DOCK4: variants seen among roughly 807,000 people sequenced by gnomAD.
The protein encoded by DOCK4 is dedicator of cytokinesis protein 4.
Under a neutral mutation model 268.1 loss-of-function variants are expected in DOCK4, and 97 were observed. The observed-to-expected ratio is 0.36, with a 90% confidence interval of 0.31 to 0.43. The LOEUF (loss-of-function observed/expected upper bound fraction) is 0.43. Among genes scored for constraint, DOCK4 ranks in the 20% least tolerant of loss-of-function variants. The probability of loss-of-function intolerance (pLI) is 1.00; values close to 1 mark genes in which losing one functional copy is unlikely to be tolerated. For synonymous variants in DOCK4, 954 were observed against 887.2 expected (o/e 1.08, Z -1.34); for missense variants, 2,145 against 2,455.7 (o/e 0.87, Z 2.67).
chr7:112,156,365 TA>T (rs1563139971), intron 1 of DOCK4, among the ~76,000 whole-genome samples: 1 of 152,206 alleles, frequency 6.6e-6, no homozygotes, highest in Non-Finnish European at 1.5e-5. Context: ...TTGCATTTCT[TA>T]GAAGTAATGA....
intron 2 of DOCK4, among the ~76,000 whole-genome samples, chr7:112,003,442 G>T (rs930273212): frequency 2.6e-5 from 4 of 152,120 alleles, no homozygotes; most frequent in Non-Finnish European, 5.9e-5. Flanking sequence ...TCTTTTTAAG[G>T]ACTAGCATTT....
chr7:111,911,160 G>A (rs1380868637), intron 13 of DOCK4, among the ~76,000 whole-genome samples: 1 of 152,068 alleles, frequency 6.6e-6, no homozygotes, highest in Non-Finnish European at 1.5e-5. Flanking sequence ...GAATGCTAAA[G>A]ATGCAAATTA....
intron 8 of DOCK4, among the ~76,000 whole-genome samples, chr7:111,953,091 G>A (rs1796182213): frequency 6.6e-6 from 1 of 151,978 alleles, no homozygotes; most frequent in Non-Finnish European, 1.5e-5. Flanking sequence ...GCCCGGTGGG[G>A]TGGTGCATGC....
chr7:111,738,244 G>C lies in DOCK4; in HGVS notation c.5232+890C>G, dbSNP rs544363617. ...CACTTCAAAACCAAGTTCAGGCAGGGGGTGAGGGCCAAGCTCCCTTACTCG... is the reference window on the plus strand; with the variant it reads ...CACTTCAAAACCAAGTTCAGGCAGGCGGTGAGGGCCAAGCTCCCTTACTCG... On this transcript the variant is annotated intron_variant, in intron 49 of 52. Coordinates refer to ENST00000428084, the MANE Select transcript of DOCK4 (RefSeq NM_001363540.2). Among the ~76,000 whole-genome samples, 12 of 152,284 alleles carry C rather than the reference G, an allele frequency of 7.9e-5. No individual in the cohort carries two copies. In the East Asian group the frequency reaches 2.3e-3, roughly 29 times the overall value.
At chr7:112,141,659 T>G (rs558137603) in intron 1 of DOCK4, among the ~76,000 whole-genome samples, 4 of 152,208 alleles carry the variant, frequency 2.6e-5, no homozygotes, top group Non-Finnish European at 4.4e-5. Context: ...GATTGATGTA[T>G]AATCCAATCC....
chr7:112,206,225 T>A lies in DOCK4; in HGVS notation c.-87A>T. On this transcript the variant is annotated 5_prime_UTR_variant, in exon 1 of 53. Transcript: ENST00000428084. Reference sequence around the variant, plus strand: ...ACAATGCACAGTCCCCGAGCAGCGCTGCAGTGCCGGAGCCCAGCGGCTTCG... The same window carrying A: ...ACAATGCACAGTCCCCGAGCAGCGCAGCAGTGCCGGAGCCCAGCGGCTTCG... 7.0e-7 allele frequency: 1 copy of A among 1,431,390 alleles called. No homozygotes were observed. The highest frequency in any genetic ancestry group is 1.2e-5 in the South Asian group (1 of 81,524). 88.7% of individuals were successfully genotyped at this position (1,431,390 alleles called of 1,614,324 possible).
intron 8 of DOCK4, among the ~76,000 whole-genome samples, chr7:111,949,004 C>T (rs1005625477): frequency 5.3e-5 from 8 of 151,868 alleles, no homozygotes; most frequent in East Asian, 1.9e-4. Context: ...TTTACTTAGT[C>T]GAAACTGCTA....
chr7:111,933,459 T>C (rs1406807159), intron 12 of DOCK4, among the ~76,000 whole-genome samples: 1 of 151,576 alleles, frequency 6.6e-6, no homozygotes, highest in Non-Finnish European at 1.5e-5. Context: ...CAGGCCCAGC[T>C]AATTTTTTGT....
intron 1 of DOCK4, among the ~76,000 whole-genome samples, chr7:112,016,469 T>C (rs1017497556): frequency 2.0e-5 from 3 of 152,252 alleles, no homozygotes; most frequent in Admixed American, 1.3e-4. Flanking sequence ...GTACAGTTAC[T>C]ATTTTTGCCT....
chr7:111,818,166 T>A (rs73434301), intron 27 of DOCK4, among the ~76,000 whole-genome samples: 14,425 of 152,186 alleles, frequency 0.095, 2,193 homozygotes, highest in African/African-American at 0.32. Context: ...TAGGGCTCAG[T>A]CCTGTCTTTT....
intron 36 of DOCK4, among the ~76,000 whole-genome samples, chr7:111,773,516 G>C (rs982249637): frequency 6.6e-6 from 1 of 151,976 alleles, no homozygotes; most frequent in South Asian, 2.1e-4. Flanking sequence ...CTTACCTCCC[G>C]CATTTCTCTT....
In DOCK4 at chr7:111,895,773, T is replaced by A. The variant is rs1426924702; in HGVS notation, c.1481-55A>T. The A allele has an allele frequency of 4.0e-6, 6 of 1,510,798 alleles. No homozygotes were observed. The Admixed American group carries it at 5.1e-5, about 13-fold the overall frequency. 93.6% of individuals were successfully genotyped at this position (1,510,798 alleles called of 1,614,324 possible). A position where few individuals can be genotyped will look rare whatever the true frequency, so the allele number is the denominator to read the frequency against. Reference sequence around the variant, plus strand: ...AGTGTATCTATGTTCAGGTACATAGTTTGTCAAGAAGCATAATCATCGAGA... The same window carrying A: ...AGTGTATCTATGTTCAGGTACATAGATTGTCAAGAAGCATAATCATCGAGA... On this transcript the variant is annotated intron_variant, in intron 15 of 52. Transcript: ENST00000428084.
intron 1 of DOCK4, among the ~76,000 whole-genome samples, chr7:112,004,549 A>G (rs1800698962): frequency 6.6e-6 from 1 of 152,160 alleles, no homozygotes; most frequent in South Asian, 2.1e-4. Flanking sequence ...CCTGCTTGTT[A>G]TTAGGCTTGG....
chr7:111,805,938 T>A (rs2133881124), intron 30 of DOCK4, among the ~76,000 whole-genome samples: 1 of 152,330 alleles, frequency 6.6e-6, no homozygotes, highest in Middle Eastern at 3.4e-3. Flanking sequence ...CATAAAAGCT[T>A]ACTAGCTTTA....
chr7:111,820,107 A>G (rs1801863318), intron 27 of DOCK4: 1 of 152,244 alleles, frequency 6.6e-6, no homozygotes, highest in Admixed American at 6.5e-5. Flanking sequence ...TTTTCAGACT[A>G]TGCTGCATTT....
chr7:112,176,444 T>C (rs1818514722), intron 1 of DOCK4, among the ~76,000 whole-genome samples: 1 of 152,210 alleles, frequency 6.6e-6, no homozygotes, highest in East Asian at 1.9e-4. Flanking sequence ...GGGAGCTTTG[T>C]TCTTCCCTCT....
At chr7:111,795,099 G>A (rs1799799762) in intron 30 of DOCK4, among the ~76,000 whole-genome samples, 1 of 152,104 alleles carries the variant, frequency 6.6e-6, no homozygotes, top group Non-Finnish European at 1.5e-5. Flanking sequence ...CATTCCATGT[G>A]GTTGGGATGG....
intron 1 of DOCK4, among the ~76,000 whole-genome samples, chr7:112,037,792 G>C (rs1226913301): frequency 1.3e-5 from 2 of 152,144 alleles, no homozygotes; most frequent in African/African-American, 4.8e-5. Context: ...TCATTAGATA[G>C]GGGTAAATTT....
At chr7:111,838,395 G>C (rs986317511) in intron 25 of DOCK4, among the ~76,000 whole-genome samples, 1 of 152,018 alleles carries the variant, frequency 6.6e-6, no homozygotes, top group Non-Finnish European at 1.5e-5. Context: ...CCAAACCCAG[G>C]AACAACTCAA....
Sources: allele counts gnomAD v4.1 joint callset (sites outside exome capture counted in the v4.1 genomes callset), GRCh38; gene constraint gnomAD v4.1.1; transcripts MANE v1.5; gene names NCBI Gene and HGNC (gene_info 2026-07-23, HGNC 2026-07-21).